SGMS1: variants seen among roughly 807,000 people sequenced by gnomAD.
The protein encoded by SGMS1 is sphingomyelin synthase 1, also known as phosphatidylcholine:ceramide cholinephosphotransferase 1.
A neutral mutation model predicts 46.2 loss-of-function variants in SGMS1; 13 were observed. The observed-to-expected ratio is 0.28, with a 90% CI of 0.18 to 0.45. SGMS1 has a LOEUF of 0.45. Among genes scored for constraint, SGMS1 ranks in the 20% least tolerant of loss-of-function variants. The pLI, the probability that SGMS1 is intolerant of heterozygous loss-of-function variation, is 1.00. For synonymous variants in SGMS1, 203 were observed against 187.8 expected (o/e 1.08, Z -0.66); for missense variants, 324 against 519.9 (o/e 0.62, Z 3.66).
intron 6 of SGMS1, among the ~76,000 whole-genome samples, chr10:50,432,552 C>A (rs1173614654): frequency 6.6e-6 from 1 of 152,180 alleles, no homozygotes; most frequent in East Asian, 1.9e-4. Context: ...CATCTACCTG[C>A]AGATACTACC....
intron 2 of SGMS1, among the ~76,000 whole-genome samples, chr10:50,567,394 C>A (rs1271454182): frequency 1.3e-5 from 2 of 152,156 alleles, no homozygotes; most frequent in Non-Finnish European, 1.5e-5. Flanking sequence ...CCAAGAAGTT[C>A]CTGGTGACCC....
chr10:50,535,766 A>G (rs1292037164), intron 2 of SGMS1, among the ~76,000 whole-genome samples: 1 of 152,154 alleles, frequency 6.6e-6, no homozygotes, highest in Non-Finnish European at 1.5e-5. Context: ...CATCAGCTCT[A>G]GAGTCTGAGA....
chr10:50,530,415 T>C (rs1837942092), intron 2 of SGMS1, among the ~76,000 whole-genome samples: 1 of 152,184 alleles, frequency 6.6e-6, no homozygotes, highest in African/African-American at 2.4e-5. Flanking sequence ...GAAAGGGAAA[T>C]GGGCAAGCCA....
At chr10:50,400,886 C>T (rs1398284133) in intron 6 of SGMS1, among the ~76,000 whole-genome samples, 1 of 152,156 alleles carries the variant, frequency 6.6e-6, no homozygotes, top group Non-Finnish European at 1.5e-5. Context: ...TAGACCACAT[C>T]AAGGCCGGAG....
upstream of SGMS1, chr10:50,624,872 G>T: frequency 2.0e-6 from 2 of 998,416 alleles, no homozygotes; most frequent in Non-Finnish European, 2.4e-6. Context: ...CCGCGGGGTC[G>T]GGGACTTGGC....
chr10:50,422,459 G>C (rs758564643), intron 6 of SGMS1, among the ~76,000 whole-genome samples: 7 of 152,106 alleles, frequency 4.6e-5, no homozygotes, highest in Non-Finnish European at 7.4e-5. Context: ...GAATGCTACT[G>C]AGACAGCAAA....
chr10:50,561,686 A>G (rs1469875428), intron 2 of SGMS1, among the ~76,000 whole-genome samples: 1 of 152,240 alleles, frequency 6.6e-6, no homozygotes, highest in African/African-American at 2.4e-5. Flanking sequence ...GGTGCTTGCA[A>G]TGCTTCTTGT....
chr10:50,470,422 C>T (rs905285813), intron 3 of SGMS1, among the ~76,000 whole-genome samples: 4 of 151,704 alleles, frequency 2.6e-5, no homozygotes, highest in Non-Finnish European at 5.9e-5. Flanking sequence ...TTTAACTGAA[C>T]CTTTTCTTCC....
chr10:50,562,612 C>T (rs1838250706), intron 2 of SGMS1, among the ~76,000 whole-genome samples: 1 of 152,152 alleles, frequency 6.6e-6, no homozygotes. Context: ...GGCGCGATCT[C>T]GTCTCACTGC....
At chr10:50,453,772 AG>A (rs1837143967) in intron 5 of SGMS1, among the ~76,000 whole-genome samples, 2 of 42,436 alleles carry the variant, frequency 4.7e-5, no homozygotes, top group Non-Finnish European at 1.0e-4. Context: ...GAAGGAAGGA[AG>A]GGAGGAAGGG....
intron 5 of SGMS1, among the ~76,000 whole-genome samples, chr10:50,442,280 G>C (rs985705056): frequency 6.6e-6 from 1 of 150,572 alleles, no homozygotes; most frequent in Admixed American, 6.6e-5. Flanking sequence ...AGATTATTTC[G>C]TCACCCAAGT....
intron 6 of SGMS1, among the ~76,000 whole-genome samples, chr10:50,425,828 C>A (rs1277351176): frequency 6.6e-6 from 1 of 152,220 alleles, no homozygotes; most frequent in Non-Finnish European, 1.5e-5. Flanking sequence ...TGACATTTCT[C>A]ATTACATTAA....
chr10:50,458,710 C>T (rs780041770), intron 5 of SGMS1, among the ~76,000 whole-genome samples: 53 of 152,108 alleles, frequency 3.5e-4, no homozygotes, highest in South Asian at 6.2e-4. Flanking sequence ...ATATTATAAA[C>T]CTCAGTGTAT....
At chr10:50,521,925 A>G (rs1009522280) in intron 2 of SGMS1, among the ~76,000 whole-genome samples, 4 of 152,172 alleles carry the variant, frequency 2.6e-5, no homozygotes, top group African/African-American at 9.7e-5. Context: ...TGCAGCTAAC[A>G]AGTAATCTGT....
chr10:50,590,909 G>A (rs1186268102), intron 1 of SGMS1, among the ~76,000 whole-genome samples: 1 of 152,050 alleles, frequency 6.6e-6, no homozygotes, highest in African/African-American at 2.4e-5. Flanking sequence ...ACAAAAACTG[G>A]AGCTTCAATG....
chr10:50,369,005 C>T (rs1308064611), intron 6 of SGMS1, among the ~76,000 whole-genome samples: 1 of 152,164 alleles, frequency 6.6e-6, no homozygotes, highest in African/African-American at 2.4e-5. Context: ...AAGTCTCCAA[C>T]ATTAACGTAT....
intron 6 of SGMS1, among the ~76,000 whole-genome samples, chr10:50,349,749 C>T (rs1229023219): frequency 6.6e-6 from 1 of 152,112 alleles, no homozygotes; most frequent in Non-Finnish European, 1.5e-5. Context: ...TTTCTCTTAC[C>T]ACCACCATGT....
rs141583532 is a variant in SGMS1, at chr10:50,525,870, G to A, written c.-588-5949C>T. Among the ~76,000 whole-genome samples, 1,216 of 152,248 alleles carry A rather than the reference G, an allele frequency of 8.0e-3. 21 individuals are homozygous for A. The highest frequency in any genetic ancestry group is 0.027 in the African/African-American group (1,136 of 41,542). On this transcript the variant is annotated intron_variant, in intron 2 of 10. Transcript: ENST00000361781. The stretch of plus-strand genomic sequence containing the variant: ...TCCAAAGCAAGACATTTTAACTAAG[G>A]AGTCTATAGTTTGTACACCCATGAC...
chr10:50,530,635 C>A (rs1056027760), intron 2 of SGMS1, among the ~76,000 whole-genome samples: 2 of 152,142 alleles, frequency 1.3e-5, no homozygotes, highest in African/African-American at 4.8e-5. Flanking sequence ...CACGTATGTG[C>A]CACCACATCT....
Sources: allele counts gnomAD v4.1 joint callset (sites outside exome capture counted in the v4.1 genomes callset), GRCh38; gene constraint gnomAD v4.1.1; transcripts MANE v1.5; gene names NCBI Gene and HGNC (gene_info 2026-07-23, HGNC 2026-07-21).